The following ATP1A1 variants were observed in gnomAD, a reference collection of about 807,000 sequenced individuals.
ATP1A1 encodes the protein ATPase Na+/K+ transporting subunit alpha 1.
Under a neutral mutation model 114.8 loss-of-function variants are expected in ATP1A1, and 14 were observed. The observed-to-expected ratio is 0.12, with a 90% CI of 0.08 to 0.19. ATP1A1 has a LOEUF of 0.19. Among genes scored for constraint, ATP1A1 ranks in the 10% least tolerant of loss-of-function variants. ATP1A1 has a pLI of 1.00. For missense variants in ATP1A1, 524 were observed against 1,290.7 expected (o/e 0.41, Z 9.10); for synonymous variants, 471 against 466.3 (o/e 1.01, Z -0.13).
chr1:116,380,860 G>A (rs1350751581), intron 1 of ATP1A1, among the ~76,000 whole-genome samples: 1 of 152,086 alleles, frequency 6.6e-6, no homozygotes, highest in Admixed American at 6.5e-5. Context: ...GCTGTGCTAA[G>A]CTGTGTCACC....
At chr1:116,379,773 G>A (rs936747984) in intron 1 of ATP1A1, among the ~76,000 whole-genome samples, 5 of 152,162 alleles carry the variant, frequency 3.3e-5, no homozygotes, top group African/African-American at 7.2e-5. Flanking sequence ...AATTGTGTTG[G>A]ATGATTTAAT....
chr1:116,374,640 A>G (rs771097095), intron 1 of ATP1A1, among the ~76,000 whole-genome samples: 1 of 152,210 alleles, frequency 6.6e-6, no homozygotes, highest in African/African-American at 2.4e-5. Context: ...CTGGACCCCA[A>G]ATGAGCCAAA....
Position 116,373,351 on chromosome 1 carries a change from C to G in ATP1A1, c.-161C>G. The G allele has an allele frequency of 1.6e-6, 1 of 642,086 alleles. No homozygotes were observed. 39.8% of individuals were successfully genotyped at this position (642,086 alleles called of 1,614,324 possible). ...GCAGCAACAGCGGCGGCGGCATCGG[C>G]CCGAGCCGCCGGCCGCCCTCCCACC... On this transcript the variant is annotated 5_prime_UTR_variant, in exon 1 of 23. Transcript: ENST00000295598.
In ATP1A1 at chr1:116,373,370, T is replaced by TTCCC; in HGVS notation, c.-142_-141insTCCC. 3 of 333,836 alleles carry TTCCC rather than the reference T, an allele frequency of 9.0e-6. No homozygotes were observed. The highest frequency in any genetic ancestry group is 8.9e-5 in the East Asian group (1 of 11,240). The allele number at this position is 333,836 out of a possible 1,614,324, so 20.7% of individuals were successfully genotyped here. ...CATCGGCCCGAGCCGCCGGCCGCCC[T>TTCCC]CCCACCCTCCCGCCCCGCGGCAGCC... On this transcript the variant is annotated 5_prime_UTR_variant, in exon 1 of 23. Coordinates refer to ENST00000295598, the MANE Select transcript of ATP1A1 (RefSeq NM_000701.8).
Position 116,384,272 on chromosome 1 carries a change from A to G in ATP1A1, c.123+148A>G. 1.5e-6 allele frequency: 1 copy of G among 678,288 alleles called. No individual in the cohort carries two copies. 42.0% of individuals were successfully genotyped at this position (678,288 alleles called of 1,614,324 possible). On this transcript the variant is annotated intron_variant, in intron 2 of 22. Coordinates refer to ENST00000295598, the MANE Select transcript of ATP1A1 (RefSeq NM_000701.8). The surrounding 1 kb of genome is among the most constrained non-coding windows in gnomAD (Gnocchi z 5.1). Reference sequence around the variant, plus strand: ...AGATCTCATCTAGTCGTAGAGGTTAATGTTGAACATATACTTTTTAAAAGC... The same window carrying G: ...AGATCTCATCTAGTCGTAGAGGTTAGTGTTGAACATATACTTTTTAAAAGC...
At chr1:116,396,484 C>T in intron 13 of ATP1A1, 114 bp from the exon 14 acceptor site, 6 of 1,322,698 alleles carry the variant, frequency 4.5e-6, no homozygotes, top group Admixed American at 2.4e-5. Context: ...CATTCCTTTC[C>T]TTTTGATAGT....
rs1311871516 is a variant in ATP1A1 at position 116,387,667 on chromosome 1, CCTCT to C, written c.387+181_387+184del. Among the ~76,000 whole-genome samples, 2 of 152,214 alleles carry C rather than the reference CCTCT, an allele frequency of 1.3e-5. No individual in the cohort carries two copies. The highest frequency in any genetic ancestry group is 6.5e-5 in the Admixed American group (1 of 15,288). On this transcript the variant is annotated intron_variant, in intron 4 of 22. Transcript: ENST00000295598. This position sits in a 1 kb window ranked among gnomAD's most constrained non-coding sequence, Gnocchi z 6.7. ...ATCCATTCTTCCTTCGTTTCCATTTCCTCTCTCTACCACCCACGTTGTAGATGCT... is the reference window on the plus strand; with the variant it reads ...ATCCATTCTTCCTTCGTTTCCATTTCCTCTACCACCCACGTTGTAGATGCT...
intron 1 of ATP1A1, among the ~76,000 whole-genome samples, chr1:116,374,792 A>C (rs1651250904): frequency 1.3e-5 from 2 of 152,182 alleles, no homozygotes; most frequent in Admixed American, 1.3e-4. Flanking sequence ...AGGTCTTTGA[A>C]GGCCCTGAGG....
intron 8 of ATP1A1, chr1:116,390,009 GTTA>G (rs1216721783): frequency 2.2e-5 from 15 of 668,876 alleles, no homozygotes; most frequent in Non-Finnish European, 3.5e-5. Flanking sequence ...GTAGAATCCT[GTTA>G]TTATTTTTCT....
Position 116,379,619 on chromosome 1 carries a change from A to G in ATP1A1, c.13-4395A>G, listed in dbSNP as rs72693790. ...GTTTTCACTGTTAAGATCAAATGAAAAATAATGCCAAAGGAGTTTTTTCTT... is the reference window on the plus strand; with the variant it reads ...GTTTTCACTGTTAAGATCAAATGAAGAATAATGCCAAAGGAGTTTTTTCTT... On this transcript the variant is annotated intron_variant, in intron 1 of 22. Transcript: ENST00000295598. Among the ~76,000 whole-genome samples the G allele has an allele frequency of 9.6e-3, 1,470 of 152,366 alleles. 10 individuals carry two copies. Among genetic ancestry groups the G allele is most frequent in the Non-Finnish European group, 0.014 (959 of 68,034 alleles).
chr1:116,373,601 G>C (rs1468495773), intron 1 of ATP1A1, 78 bp downstream of exon 1: 4 of 1,312,878 alleles, frequency 3.0e-6, no homozygotes, highest in Non-Finnish European at 3.9e-6. Context: ...GGGCGACCGC[G>C]GCCAGCGGGA....
chr1:116,400,235 C>T (rs1452709645), intron 18 of ATP1A1, among the ~76,000 whole-genome samples: 2 of 152,188 alleles, frequency 1.3e-5, no homozygotes, highest in Non-Finnish European at 2.9e-5. Flanking sequence ...GAAATTATGG[C>T]AAAGATTCAT....
At chr1:116,373,887 G>T in intron 1 of ATP1A1, 1 of 1,300,472 alleles carries the variant, frequency 7.7e-7, no homozygotes, top group East Asian at 3.3e-5. Flanking sequence ...GCGGCCCCGG[G>T]ACTGAGCCGG....
rs1357454502 is a variant in ATP1A1, at chr1:116,384,395, T to A, written c.123+271T>A. On this transcript the variant is annotated intron_variant, in intron 2 of 22. Coordinates refer to ENST00000295598, the MANE Select transcript of ATP1A1 (RefSeq NM_000701.8). The surrounding 1 kb of genome is among the most constrained non-coding windows in gnomAD (Gnocchi z 5.1). ...CCATGAGTCTTTGCTTTTCTCTGTA[T>A]TATATCAAACATTGGGAAATTCAGC... is the stretch of plus-strand genomic sequence containing the variant. Among the ~76,000 whole-genome samples, 1 of 152,198 alleles carries A rather than the reference T, an allele frequency of 6.6e-6. No individual in the cohort carries two copies. Among genetic ancestry groups the A allele is most frequent in the Non-Finnish European group, 1.5e-5 (1 of 68,024 alleles).
chr1:116,404,465 G>T lies in ATP1A1; in HGVS notation c.*21G>T. 6.2e-7 allele frequency: 1 copy of T among 1,606,218 alleles called. No homozygotes were observed. Among genetic ancestry groups the T allele is most frequent in the South Asian group, 1.1e-5 (1 of 89,894 alleles). ...ATTAGCCCCCCGTCCTGCACGCCGTGGAGCATCAGGCCACACACTCTGCAT... is the reference window on the plus strand; with the variant it reads ...ATTAGCCCCCCGTCCTGCACGCCGTTGAGCATCAGGCCACACACTCTGCAT... On this transcript the variant is annotated 3_prime_UTR_variant, in exon 23 of 23. Coordinates refer to ENST00000295598, the MANE Select transcript of ATP1A1 (RefSeq NM_000701.8). This position sits in a 1 kb window ranked among gnomAD's most constrained non-coding sequence, Gnocchi z 4.8.
Position 116,401,373 on chromosome 1 carries a change from CTAGTTTA to C in ATP1A1, c.2849+117_2849+123del. On this transcript the variant is annotated intron_variant, in intron 20 of 22. Transcript: ENST00000295598. The surrounding 1 kb of genome is among the most constrained non-coding windows in gnomAD (Gnocchi z 4.7). ...ACATATAGCCAGGTTTCTGGAATCT[CTAGTTTA>C]TAGAGCAAATTTAGGAAGCAAGAAA... 1 of 1,553,196 alleles carries C rather than the reference CTAGTTTA, an allele frequency of 6.4e-7. No homozygotes were observed. Among genetic ancestry groups the C allele is most frequent in the African/African-American group, 1.4e-5 (1 of 72,934 alleles).
At position 116,393,522 on chromosome 1, in the gene ATP1A1, C is replaced by A. The variant is rs200995911; in HGVS notation, c.1468-9C>A. ...CATCCAATGTTTATGTCTCAACAAT[C>A]CTTCACAGTTGTCTATTCATAAGAA... On this transcript the variant is annotated splice_polypyrimidine_tract_variant and intron_variant, in intron 11 of 22. Coordinates refer to ENST00000295598, the MANE Select transcript of ATP1A1 (RefSeq NM_000701.8). This position sits in a 1 kb window ranked among gnomAD's most constrained non-coding sequence, Gnocchi z 5.0. The A allele has an allele frequency of 5.6e-6, 9 of 1,607,828 alleles. No individual in the cohort carries two copies. Among genetic ancestry groups the A allele is most frequent in the Non-Finnish European group, 7.7e-6 (9 of 1,176,200 alleles).
chr1:116,400,820 G>C (rs766130665), intron 18 of ATP1A1, 41 bp from the exon 19 acceptor site: 2 of 1,602,948 alleles, frequency 1.2e-6, no homozygotes, highest in Admixed American at 1.7e-5. Flanking sequence ...AGGTACCCTT[G>C]TGTGTGAGGT....
At position 116,389,760 on chromosome 1, in the gene ATP1A1, C is replaced by T. The variant is rs1045982680; in HGVS notation, c.1023+53C>T. On this transcript the variant is annotated intron_variant, in intron 8 of 22. Coordinates refer to ENST00000295598, the MANE Select transcript of ATP1A1 (RefSeq NM_000701.8). This position sits in a 1 kb window ranked among gnomAD's most constrained non-coding sequence, Gnocchi z 6.9. ...CTCAGATCAGCTTGCACGAATGTTA[C>T]ACTCTTCCGCTATCCTATTCTAAGG... 9 of 1,604,172 alleles carry T rather than the reference C, an allele frequency of 5.6e-6. No individual in the cohort carries two copies. In the African/African-American group the frequency reaches 6.7e-5, roughly 12 times the overall value.
Sources: allele counts gnomAD v4.1 joint callset (sites outside exome capture counted in the v4.1 genomes callset), GRCh38; gene constraint gnomAD v4.1.1; non-coding constraint Gnocchi (gnomAD v3.1); transcripts MANE v1.5; gene names NCBI Gene and HGNC (gene_info 2026-07-23, HGNC 2026-07-21).